Variants in MSI1 observed in about 807,000 individuals in gnomAD.
The protein encoded by MSI1 is RNA-binding protein Musashi homolog 1.
A neutral mutation model predicts 54.4 loss-of-function variants in MSI1; 15 were observed. The ratio of observed to expected loss-of-function variants is 0.28; its 90% CI spans 0.18 to 0.42. The LOEUF (loss-of-function observed/expected upper bound fraction) is 0.42. Among genes scored for constraint, MSI1 ranks in the 20% least tolerant of loss-of-function variants. MSI1 has a pLI of 1.00. For missense variants in MSI1, 304 were observed against 506.0 expected, an observed-to-expected ratio of 0.60 and a Z score of 3.83; for synonymous variants, 200 against 196.5, an observed-to-expected ratio of 1.02 and a Z score of -0.15.
At chr12:120,346,041 C>G in intron 13 of MSI1, 94 bp downstream of exon 13, 2 of 1,142,232 alleles carry the variant, frequency 1.8e-6, no homozygotes, top group Non-Finnish European at 1.2e-6. Flanking sequence ...CCTCCTTTTG[C>G]CCCCAGAGAC....
rs545373141 is a variant in MSI1, at chr12:120,356,981, C to T, written c.573G>A (p.Ser191=). The part of the protein sequence containing the change: ...CKKAQPKEVM[S]PTGSARGRSR... ...ACCTCCCCCGGGCTGAGCCCGTTGG[C>T]GACATCACCTCCTTTGGCTGAGCTT... Residue 191 remains serine (S), a synonymous_variant, in exon 9 of 15, where the codon TCG becomes TCA. Transcript: ENST00000257552. The T allele has an allele frequency of 2.2e-5, 35 of 1,614,126 alleles. No individual in the cohort carries two copies. The highest frequency in any genetic ancestry group is 2.2e-5 in the East Asian group (1 of 44,896).
chr12:120,346,471 TC>T, intron 12 of MSI1, 149 bp from the exon 13 acceptor site: 1 of 736,706 alleles, frequency 1.4e-6, no homozygotes, highest in Non-Finnish European at 2.0e-6. Flanking sequence ...CCCATGCCCA[TC>T]CACCCAGTCA....
intron 4 of MSI1, among the ~76,000 whole-genome samples, chr12:120,365,358 C>T (rs1413797063): frequency 6.6e-6 from 1 of 152,184 alleles, no homozygotes; most frequent in African/African-American, 2.4e-5. Flanking sequence ...ATAACACCCA[C>T]CTCAAAGGGT....
At chr12:120,340,981 G>A (rs1351639994), downstream of MSI1, among the ~76,000 whole-genome samples, 1 of 150,974 alleles carries the variant, frequency 6.6e-6, no homozygotes, top group African/African-American at 2.4e-5. Context: ...CAGCTCCAGG[G>A]TTCAAGAGAC....
chr12:120,352,419 G>A (rs1260150101), intron 10 of MSI1, among the ~76,000 whole-genome samples: 1 of 152,048 alleles, frequency 6.6e-6, no homozygotes, highest in African/African-American at 2.4e-5. Flanking sequence ...GATGAAAAGC[G>A]ACGGCCCTAG....
downstream of MSI1, among the ~76,000 whole-genome samples, chr12:120,340,169 C>T (rs1235860441): frequency 6.6e-6 from 1 of 152,010 alleles, no homozygotes; most frequent in Non-Finnish European, 1.5e-5. Flanking sequence ...TCACTGCAAC[C>T]TCTGCCTCCT....
At chr12:120,345,520 A>G in intron 14 of MSI1, 50 bp downstream of exon 14, 1 of 1,554,690 alleles carries the variant, frequency 6.4e-7, no homozygotes, top group Non-Finnish European at 8.9e-7. Flanking sequence ...ATGGCCCAGG[A>G]CAGGCTTCCC....
At chr12:120,349,661 C>T (rs1279181097) in intron 11 of MSI1, among the ~76,000 whole-genome samples, 3 of 152,198 alleles carry the variant, frequency 2.0e-5, no homozygotes, top group African/African-American at 4.8e-5. Flanking sequence ...GAATATTTAT[C>T]GAATGCATGA....
downstream of MSI1, among the ~76,000 whole-genome samples, chr12:120,339,683 A>G (rs1432383891): frequency 2.0e-5 from 3 of 152,052 alleles, no homozygotes; most frequent in Non-Finnish European, 4.4e-5. Flanking sequence ...TTCCTGAGTG[A>G]AAGACCCCCA....
chr12:120,356,850 T>C (rs1179441), intron 9 of MSI1, 52 bp downstream of exon 9: 1,104,323 of 1,527,954 alleles, frequency 0.72, 400,998 homozygotes, highest in Admixed American at 0.8. Flanking sequence ...CCCCTGCTAG[T>C]CCTGGGAGCA....
rs751873020 is a variant in MSI1, at chr12:120,368,013, T to C, written c.262A>G (p.Lys88Glu). The C allele has an allele frequency of 6.2e-7, 1 of 1,611,328 alleles. No homozygotes were observed. The highest frequency in any genetic ancestry group is 8.5e-7 in the Non-Finnish European group (1 of 1,178,914). ...LAQSRHELDS[K>E]TIDPKVAFPR... ...AAGCCCCGAGGGCCACTCACTGTTT[T>C]GGAGTCGAGCTCGTGCCGCGATTGC... Residue 88 changes from lysine to glutamate, a missense_variant, in exon 4 of 15, where the codon AAA becomes GAA. Coordinates refer to ENST00000257552, the MANE Select transcript of MSI1 (RefSeq NM_002442.4). The surrounding 1 kb of genome is among the most constrained non-coding windows in gnomAD (Gnocchi z 6.6).
In MSI1 at chr12:120,368,175, G is replaced by C. The variant is rs1378936537; in HGVS notation, c.182+17C>G. 2 of 1,579,462 alleles carry C rather than the reference G, an allele frequency of 1.3e-6. No homozygotes were observed. The highest frequency in any genetic ancestry group is 1.7e-6 in the Non-Finnish European group (2 of 1,161,736). On this transcript the variant is annotated intron_variant, in intron 3 of 14. Coordinates refer to ENST00000257552, the MANE Select transcript of MSI1 (RefSeq NM_002442.4). This position sits in a 1 kb window ranked among gnomAD's most constrained non-coding sequence, Gnocchi z 6.6. The stretch of plus-strand genomic sequence containing the variant: ...GGGGGGCGAGCCGGGAGCAGGAGGA[G>C]GGGGTGAGGGGCTCACCTGGATCTC...
At chr12:120,351,772 G>A (rs1453152251) in intron 10 of MSI1, among the ~76,000 whole-genome samples, 1 of 147,374 alleles carries the variant, frequency 6.8e-6, no homozygotes, top group South Asian at 2.1e-4. Flanking sequence ...GCAGTGGCGC[G>A]ATCTCGGCTC....
At chr12:120,357,981 C>G in intron 7 of MSI1, 83 bp from the exon 8 acceptor site, 1 of 1,140,486 alleles carries the variant, frequency 8.8e-7, no homozygotes. Flanking sequence ...CCAATATCCC[C>G]GCTCCTCTCT....
At chr12:120,366,529 C>T (rs901682443) in intron 4 of MSI1, among the ~76,000 whole-genome samples, 28 of 152,132 alleles carry the variant, frequency 1.8e-4, no homozygotes, top group Admixed American at 2.6e-4. Flanking sequence ...ACACAGACCC[C>T]GATGGGGAGA....
At chr12:120,364,121 A>G (rs1169173216) in intron 5 of MSI1, among the ~76,000 whole-genome samples, 1 of 152,230 alleles carries the variant, frequency 6.6e-6, no homozygotes, top group East Asian at 1.9e-4. Context: ...TGAGTGTTGT[A>G]TCACTCAACT....
chr12:120,368,369 C>T lies in MSI1; in HGVS notation c.101-96G>A. ...CGGTGACCCCGGAGCGGCCCGGCCG[C>T]CCCCGCGCCAAGCTGCCCGCGCGTT... On this transcript the variant is annotated intron_variant, in intron 2 of 14. Coordinates refer to ENST00000257552, the MANE Select transcript of MSI1 (RefSeq NM_002442.4). This position sits in a 1 kb window ranked among gnomAD's most constrained non-coding sequence, Gnocchi z 6.6. 7.5e-7 allele frequency: 1 copy of T among 1,336,106 alleles called. No individual in the cohort carries two copies. 82.8% of individuals were successfully genotyped at this position (1,336,106 alleles called of 1,614,324 possible). A position where few individuals can be genotyped will look rare whatever the true frequency, so the allele number is the denominator to read the frequency against.
At chr12:120,349,264 T>G (rs554918006) in intron 11 of MSI1, among the ~76,000 whole-genome samples, 131 of 151,918 alleles carry the variant, frequency 8.6e-4, no homozygotes, top group African/African-American at 3.0e-3. Flanking sequence ...CCTGGCTAAT[T>G]TTTTTTGTAT....
At chr12:120,352,591 C>G (rs1874718321) in intron 10 of MSI1, among the ~76,000 whole-genome samples, 1 of 152,020 alleles carries the variant, frequency 6.6e-6, no homozygotes, top group South Asian at 2.1e-4. Context: ...TAGGCAACGT[C>G]CCGTACACAA....
Sources: gnomAD v4.1 joint callset for allele counts (sites outside exome capture counted in the v4.1 genomes callset) on GRCh38, gnomAD v4.1.1 for gene constraint, Gnocchi (gnomAD v3.1) non-coding constraint, MANE v1.5 for transcripts, NCBI Gene and HGNC (gene_info 2026-07-23, HGNC 2026-07-21) for gene names.